GLRX3: variants seen among roughly 807,000 people sequenced by gnomAD.
GLRX3 encodes glutaredoxin-3.
A neutral mutation model predicts 49.5 loss-of-function variants in GLRX3; 22 were observed. That is an observed-to-expected ratio of 0.44 (90% CI 0.32 to 0.63). The LOEUF (loss-of-function observed/expected upper bound fraction) is 0.63. GLRX3 is among the 30% of genes least tolerant of loss of function. The probability of loss-of-function intolerance (pLI) is 0.05; values close to 1 mark genes in which losing one functional copy is unlikely to be tolerated. For synonymous variants in GLRX3, 133 were observed against 140.0 expected, an observed-to-expected ratio of 0.95 and a Z score of 0.35; for missense variants, 385 against 396.3, an observed-to-expected ratio of 0.97 and a Z score of 0.24.
intron 1 of GLRX3, 61 bp from the exon 2 acceptor site, chr10:130,145,150 A>G (rs1400859049): frequency 3.1e-6 from 2 of 644,168 alleles, no homozygotes; most frequent in Non-Finnish European, 5.4e-6. Flanking sequence ...AATTTATATC[A>G]GTATTTGTGT....
chr10:130,161,462 T>A (rs1862575217), intron 4 of GLRX3, among the ~76,000 whole-genome samples: 1 of 152,254 alleles, frequency 6.6e-6, no homozygotes, highest in Non-Finnish European at 1.5e-5. Flanking sequence ...AGTGTTTTTG[T>A]GTCCAGCCTG....
rs1274966223 is a variant in GLRX3, at chr10:130,166,453, G to GT, written c.479-53dup. The GT allele has an allele frequency of 4.5e-5, 57 of 1,265,060 alleles. No homozygotes were observed. In the Admixed American group the frequency reaches 9.6e-4, roughly 21 times the overall value. 78.4% of individuals were successfully genotyped at this position (1,265,060 alleles called of 1,614,324 possible). A position where few individuals can be genotyped will look rare whatever the true frequency, so the allele number is the denominator to read the frequency against. On this transcript the variant is annotated intron_variant, in intron 4 of 10. Transcript: ENST00000331244. ...ACGCTGAACTAATGTATTATCATGT[G>GT]TATGTGTTTTGGGAGAGAGAAGTTA... is the stretch of plus-strand genomic sequence containing the variant.
At chr10:130,143,983 G>A (rs1162672757) in intron 1 of GLRX3, among the ~76,000 whole-genome samples, 1 of 152,166 alleles carries the variant, frequency 6.6e-6, no homozygotes, top group Non-Finnish European at 1.5e-5. Context: ...ACAGGTGTGA[G>A]CCACTGCTCT....
At chr10:130,176,588 G>A (rs1862924647) in intron 10 of GLRX3, among the ~76,000 whole-genome samples, 1 of 152,072 alleles carries the variant, frequency 6.6e-6, no homozygotes, top group Non-Finnish European at 1.5e-5. Flanking sequence ...TGTTTCCTGT[G>A]GAGTTCCAGG....
Position 130,174,990 on chromosome 10 carries a change from T to G in GLRX3, c.865-7T>G. 1 of 1,602,710 alleles carries G rather than the reference T, an allele frequency of 6.2e-7. No homozygotes were observed. Among genetic ancestry groups the G allele is most frequent in the Non-Finnish European group, 8.5e-7 (1 of 1,169,654 alleles). Reference sequence around the variant, plus strand: ...GGATGGTTTCAGGATTCCTGTTGTTTCTTTAGGTTCGGCAAGGATTAAAAG... The same window carrying G: ...GGATGGTTTCAGGATTCCTGTTGTTGCTTTAGGTTCGGCAAGGATTAAAAG... On this transcript the variant is annotated splice_region_variant and splice_polypyrimidine_tract_variant and intron_variant, in intron 9 of 10. Coordinates refer to ENST00000331244, the MANE Select transcript of GLRX3 (RefSeq NM_006541.5).
chr10:130,179,455 T>C lies in GLRX3; in HGVS notation c.*63T>C. 2 of 859,792 alleles carry C rather than the reference T, an allele frequency of 2.3e-6. No homozygotes were observed. The highest frequency in any genetic ancestry group is 3.3e-4 in the Middle Eastern group (1 of 2,996). 53.3% of individuals were successfully genotyped at this position (859,792 alleles called of 1,614,324 possible). ...ATTTAATTACATTGGGAGCAGTTCA[T>C]GATTTAGTCCTCAGAAATGGACTAG... On this transcript the variant is annotated 3_prime_UTR_variant, in exon 11 of 11. Coordinates refer to ENST00000331244, the MANE Select transcript of GLRX3 (RefSeq NM_006541.5).
intron 2 of GLRX3, among the ~76,000 whole-genome samples, chr10:130,152,660 C>T (rs1017454021): frequency 4.6e-5 from 7 of 152,120 alleles, no homozygotes; most frequent in African/African-American, 1.4e-4. Flanking sequence ...GGGTTTCTGC[C>T]GAGAGATCTG....
chr10:130,171,155 A>G (rs548716739), intron 7 of GLRX3, among the ~76,000 whole-genome samples: 6 of 152,080 alleles, frequency 3.9e-5, no homozygotes, highest in African/African-American at 1.4e-4. Flanking sequence ...TAAATAAAAT[A>G]AAAAGAAAAA....
At chr10:130,152,472 C>T (rs1862396102) in intron 2 of GLRX3, among the ~76,000 whole-genome samples, 1 of 152,168 alleles carries the variant, frequency 6.6e-6, no homozygotes, top group Non-Finnish European at 1.5e-5. Flanking sequence ...TTTAGTGCTT[C>T]CTTCAGGAGC....
intron 6 of GLRX3, among the ~76,000 whole-genome samples, chr10:130,167,733 G>A (rs1862720579): frequency 1.3e-5 from 2 of 152,128 alleles, no homozygotes; most frequent in African/African-American, 4.8e-5. Context: ...ATTTCTAAAA[G>A]TGTTTAATAA....
chr10:130,156,297 C>G (rs1862469423), intron 2 of GLRX3, among the ~76,000 whole-genome samples: 1 of 152,200 alleles, frequency 6.6e-6, no homozygotes, highest in Non-Finnish European at 1.5e-5. Context: ...TAGCCAGCCT[C>G]AAACCCTTTT....
intron 4 of GLRX3, among the ~76,000 whole-genome samples, chr10:130,165,717 A>C (rs937245637): frequency 6.6e-6 from 1 of 152,244 alleles, no homozygotes; most frequent in African/African-American, 2.4e-5. Context: ...ATTGAGAACT[A>C]CTGAAGTGGG....
intron 2 of GLRX3, among the ~76,000 whole-genome samples, chr10:130,150,981 G>C (rs901948472): frequency 6.7e-6 from 1 of 149,926 alleles, no homozygotes; most frequent in African/African-American, 2.5e-5. Context: ...AGGCTGGAGT[G>C]CAATGGCGTG....
chr10:130,169,589 G>C, intron 7 of GLRX3, 99 bp downstream of exon 7: 1 of 786,052 alleles, frequency 1.3e-6, no homozygotes. Flanking sequence ...AGCTAATGAA[G>C]CTGTAGCGAT....
At chr10:130,164,654 G>T (rs2134909477) in intron 4 of GLRX3, among the ~76,000 whole-genome samples, 1 of 152,282 alleles carries the variant, frequency 6.6e-6, no homozygotes, top group South Asian at 2.1e-4. Flanking sequence ...AAAAAGGTGT[G>T]TAAATATTTT....
At chr10:130,164,671 A>T (rs1314933156) in intron 4 of GLRX3, among the ~76,000 whole-genome samples, 1 of 152,242 alleles carries the variant, frequency 6.6e-6, no homozygotes, top group Non-Finnish European at 1.5e-5. Context: ...TTTTGTTACT[A>T]GAATAAAGCC....
Position 130,145,272 on chromosome 10 carries a change from GT to G in GLRX3, c.156del (p.Met53TrpfsTer4). The G allele has an allele frequency of 6.3e-7, 1 of 1,577,754 alleles. No homozygotes were observed. Among genetic ancestry groups the G allele is most frequent in the Non-Finnish European group, 8.7e-7 (1 of 1,147,468 alleles). ...WAPQCAQMNE[V>X]MAELAKELPQ... Reference sequence around the variant, plus strand: ...TCCACAGTGTGCACAGATGAACGAAGTTATGGCAGAGTTAGCTAAAGAACTC... The same window carrying G: ...TCCACAGTGTGCACAGATGAACGAAGTATGGCAGAGTTAGCTAAAGAACTC... On this transcript the variant is annotated frameshift_variant, in exon 2 of 11. Transcript: ENST00000331244. LOFTEE classifies it high-confidence loss of function.
chr10:130,157,441 T>G (rs1227550320), intron 2 of GLRX3, among the ~76,000 whole-genome samples: 1 of 142,030 alleles, frequency 7.0e-6, no homozygotes, highest in Non-Finnish European at 1.5e-5. Context: ...TTCCTCTGCA[T>G]TTTTTTTTCC....
chr10:130,157,687 TTAAC>T (rs1383113337), intron 2 of GLRX3, among the ~76,000 whole-genome samples: 2 of 151,980 alleles, frequency 1.3e-5, no homozygotes, highest in Non-Finnish European at 2.9e-5. Flanking sequence ...CACCTCCTCT[TTAAC>T]TACTTACTAA....
Sources: allele counts gnomAD v4.1 joint callset (sites outside exome capture counted in the v4.1 genomes callset), GRCh38; gene constraint gnomAD v4.1.1; transcripts MANE v1.5; gene names NCBI Gene and HGNC (gene_info 2026-07-23, HGNC 2026-07-21).